TBL1XR1: variants seen among roughly 807,000 people sequenced by gnomAD.
The protein encoded by TBL1XR1 is F-box-like/WD repeat-containing protein TBL1XR1.
In TBL1XR1, 5 loss-of-function variants were observed where a neutral mutation model predicts 66.9. The observed-to-expected ratio is 0.07, with a 90% CI of 0.04 to 0.16. TBL1XR1 has a LOEUF of 0.16. TBL1XR1 is among the 10% of genes least tolerant of loss of function. TBL1XR1 has a pLI of 1.00. For missense variants in TBL1XR1, 238 were observed against 623.2 expected, an observed-to-expected ratio of 0.38 and a Z score of 6.58; for synonymous variants, 210 against 206.0, an observed-to-expected ratio of 1.02 and a Z score of -0.17.
At chr3:177,033,873 G>A (rs1576981467) in intron 13 of TBL1XR1, among the ~76,000 whole-genome samples, 1 of 152,124 alleles carries the variant, frequency 6.6e-6, no homozygotes, top group South Asian at 2.1e-4. Context: ...TGGGAGCTAA[G>A]CTATGAGGAC....
intron 3 of TBL1XR1, 46 bp downstream of exon 3, chr3:177,064,874 A>G: frequency 1.6e-6 from 2 of 1,225,428 alleles, no homozygotes; most frequent in South Asian, 2.8e-5. Flanking sequence ...TTATTTTGAG[A>G]ATATTAAAAT....
At chr3:177,118,700 A>G (rs1178155419) in intron 1 of TBL1XR1, among the ~76,000 whole-genome samples, 1 of 152,214 alleles carries the variant, frequency 6.6e-6, no homozygotes, top group Non-Finnish European at 1.5e-5. Context: ...TTCAGATGCT[A>G]AGAACAACAG....
At chr3:177,188,807 A>G (rs191722494) in intron 1 of TBL1XR1, among the ~76,000 whole-genome samples, 81 of 152,334 alleles carry the variant, frequency 5.3e-4, no homozygotes, top group Admixed American at 4.1e-3. Context: ...TACAGTCCAC[A>G]CTAATTCTGA....
chr3:177,160,020 G>T (rs1044544721), intron 1 of TBL1XR1, among the ~76,000 whole-genome samples: 1 of 152,178 alleles, frequency 6.6e-6, no homozygotes, highest in Non-Finnish European at 1.5e-5. Flanking sequence ...TAGACAGCTA[G>T]ATTTGCATGT....
At chr3:177,130,316 A>T (rs945375809) in intron 1 of TBL1XR1, among the ~76,000 whole-genome samples, 19 of 152,140 alleles carry the variant, frequency 1.2e-4, no homozygotes, top group African/African-American at 4.6e-4. Flanking sequence ...AGAAACAACC[A>T]ATTCTCCATC....
chr3:177,172,226 G>A (rs1182580797), intron 1 of TBL1XR1, among the ~76,000 whole-genome samples: 4 of 136,538 alleles, frequency 2.9e-5, no homozygotes, highest in Non-Finnish European at 1.5e-5. Flanking sequence ...GCGCCACTGC[G>A]CTCCAGCTCG....
chr3:177,192,634 G>A (rs1736305629), intron 1 of TBL1XR1, among the ~76,000 whole-genome samples: 1 of 152,076 alleles, frequency 6.6e-6, no homozygotes, highest in South Asian at 2.1e-4. Context: ...TTAGGAAATG[G>A]AGCTATCAAA....
rs183432695 is a variant in TBL1XR1, at chr3:177,025,298, G to T, written c.*200C>A. ...ATTAGATTCCAGCACTTGGTGAACA[G>T]AATTCACAAGCTGTGACAAAACTCT... On this transcript the variant is annotated 3_prime_UTR_variant, in exon 16 of 16. Coordinates refer to ENST00000457928, the MANE Select transcript of TBL1XR1 (RefSeq NM_024665.7). 274 of 465,918 alleles carry T rather than the reference G, an allele frequency of 5.9e-4. No homozygotes were observed. Among genetic ancestry groups the T allele is most frequent in the African/African-American group, 5.2e-3 (260 of 49,932 alleles). The allele number at this position is 465,918 out of a possible 1,614,324, so 28.9% of individuals were successfully genotyped here.
intron 1 of TBL1XR1, among the ~76,000 whole-genome samples, chr3:177,145,244 C>A (rs1730111373): frequency 6.6e-6 from 1 of 152,230 alleles, no homozygotes; most frequent in Non-Finnish European, 1.5e-5. Flanking sequence ...ATCTGACCCA[C>A]TGTGTTTTAG....
chr3:177,158,507 G>A (rs945498909), intron 1 of TBL1XR1, among the ~76,000 whole-genome samples: 1 of 152,036 alleles, frequency 6.6e-6, no homozygotes, highest in African/African-American at 2.4e-5. Context: ...GATTACCGGC[G>A]TGAACCACCA....
chr3:177,178,622 G>A (rs1011362743), intron 1 of TBL1XR1, among the ~76,000 whole-genome samples: 9 of 152,126 alleles, frequency 5.9e-5, no homozygotes, highest in South Asian at 2.1e-4. Context: ...CCAGGCAGGC[G>A]GATCACCTGA....
rs543973870 is a variant in TBL1XR1, at chr3:177,116,595, T to A, written c.-121-18054A>T. On this transcript the variant is annotated intron_variant, in intron 1 of 15. Coordinates refer to ENST00000457928, the MANE Select transcript of TBL1XR1 (RefSeq NM_024665.7). ...TATCTTGAAAGATGCCTTATCCAGC[T>A]TTGTAACTTGAATGCCGAGAACATA... 2.4e-4 allele frequency among the ~76,000 whole-genome samples: 36 copies of A among 152,330 alleles called. No individual in the cohort carries two copies. In the Middle Eastern group the frequency reaches 0.01, roughly 43 times the overall value.
intron 3 of TBL1XR1, among the ~76,000 whole-genome samples, chr3:177,062,916 C>A (rs1322118932): frequency 6.6e-6 from 1 of 152,016 alleles, no homozygotes; most frequent in Non-Finnish European, 1.5e-5. Flanking sequence ...GGGCGGATCA[C>A]CTAAGGTCGG....
rs1158292973 is a variant in TBL1XR1, at chr3:177,030,127, T to C, written c.1416+2844A>G. On this transcript the variant is annotated intron_variant, in intron 14 of 15. Coordinates refer to ENST00000457928, the MANE Select transcript of TBL1XR1 (RefSeq NM_024665.7). ...GTGTATGTGTGTGTGTGTGTATATATATATAGAGAGAGAGAGAGAGAGACA... is the reference window on the plus strand; with the variant it reads ...GTGTATGTGTGTGTGTGTGTATATACATATAGAGAGAGAGAGAGAGAGACA... Among the ~76,000 whole-genome samples, 6 of 143,842 alleles carry C rather than the reference T, an allele frequency of 4.2e-5. No individual in the cohort carries two copies. The South Asian group carries it at 1.1e-3, about 26-fold the overall frequency. The allele number at this position is 143,842 out of a possible 152,430, so 94.4% of individuals were successfully genotyped here.
chr3:177,080,677 C>T (rs991707115), intron 2 of TBL1XR1, among the ~76,000 whole-genome samples: 1 of 151,966 alleles, frequency 6.6e-6, no homozygotes, highest in Non-Finnish European at 1.5e-5. Context: ...AAGAGTGTCT[C>T]CATGTTTAAG....
At chr3:177,054,392 C>T (rs1015311186) in intron 3 of TBL1XR1, among the ~76,000 whole-genome samples, 1 of 152,040 alleles carries the variant, frequency 6.6e-6, no homozygotes, top group Non-Finnish European at 1.5e-5. Flanking sequence ...CATCCCAGCC[C>T]AGTTCAAGTA....
chr3:177,047,508 A>G lies in TBL1XR1; in HGVS notation c.744T>C (p.Phe248=). The change falls in exon 8 of 16, where the codon TTT becomes TTC. Residue 248 remains phenylalanine (F), a synonymous_variant. Coordinates refer to ENST00000457928, the MANE Select transcript of TBL1XR1 (RefSeq NM_024665.7). ...TACCATCTTTAGTCCATATTCTGGC[A>G]AACCCATCATAGGAACCAGTTGCTA... ...TLLATGSYDG[F]ARIWTKDGNL... 1 of 1,613,228 alleles carries G rather than the reference A, an allele frequency of 6.2e-7. No homozygotes were observed. The highest frequency in any genetic ancestry group is 8.5e-7 in the Non-Finnish European group (1 of 1,179,482).
chr3:177,047,738 T>C (rs1266085803), intron 7 of TBL1XR1, 189 bp from the exon 8 acceptor site: 8 of 591,808 alleles, frequency 1.4e-5, no homozygotes, highest in Non-Finnish European at 2.4e-5. Flanking sequence ...GTGACACTAA[T>C]GTTGTATGGG....
At chr3:177,032,618 CCTTT>C (rs1185728239) in intron 14 of TBL1XR1, 16 of 161,898 alleles carry the variant, frequency 9.9e-5, no homozygotes, top group African/African-American at 3.8e-4. Flanking sequence ...AAAATCTGGT[CCTTT>C]GACTTTTACT....
Sources: allele counts gnomAD v4.1 joint callset (sites outside exome capture counted in the v4.1 genomes callset), GRCh38; gene constraint gnomAD v4.1.1; transcripts MANE v1.5; gene names NCBI Gene and HGNC (gene_info 2026-07-23, HGNC 2026-07-21).